Variants in KIF3A observed in about 807,000 individuals in gnomAD.
The protein encoded by KIF3A is kinesin family member 3A.
In KIF3A, 27 loss-of-function variants were observed where a neutral mutation model predicts 92.6. The ratio of observed to expected loss-of-function variants is 0.29; its 90% CI spans 0.21 to 0.40. The LOEUF (loss-of-function observed/expected upper bound fraction) is 0.40, where lower values mean the gene tolerates loss of function less well. KIF3A is among the 10% of genes least tolerant of loss of function. The pLI, the probability that KIF3A is intolerant of heterozygous loss-of-function variation, is 1.00. For synonymous variants in KIF3A, 250 were observed against 275.4 expected (o/e 0.91, Z 0.92); for missense variants, 581 against 872.6 (o/e 0.67, Z 4.21).
In KIF3A at chr5:132,730,801, A is replaced by AAAT. The variant is rs544744475; in HGVS notation, c.280+3401_280+3403dup. Among the ~76,000 whole-genome samples the AAAT allele has an allele frequency of 2.2e-4, 33 of 151,972 alleles. 2 individuals are homozygous for AAAT. In the South Asian group the frequency reaches 6.3e-3, roughly 29 times the overall value. On this transcript the variant is annotated intron_variant, in intron 2 of 18. Coordinates refer to ENST00000403231, the MANE Select transcript of KIF3A (RefSeq NM_001300791.2). ...AGAGTGAGACCCTGTTTCAAGAAAAAAATAATAATAATAGAAAAAATTAGC... is the reference window on the plus strand; with the variant it reads ...AGAGTGAGACCCTGTTTCAAGAAAAAAATAATAATAATAATAGAAAAAATTAGC...
intron 9 of KIF3A, among the ~76,000 whole-genome samples, chr5:132,709,698 C>A (rs1045076738): frequency 6.6e-6 from 1 of 152,112 alleles, no homozygotes; most frequent in African/African-American, 2.4e-5. Flanking sequence ...ATCAGGCAAA[C>A]GTTTTCTGCA....
At chr5:132,702,851 A>G (rs761867342) in intron 13 of KIF3A, 34 bp downstream of exon 13, 5 of 1,598,536 alleles carry the variant, frequency 3.1e-6, no homozygotes, top group Admixed American at 1.7e-5. Context: ...TCTCTCTGGC[A>G]AAATACCAAA....
intron 11 of KIF3A, among the ~76,000 whole-genome samples, 168 bp from the exon 12 acceptor site, chr5:132,703,787 T>C (rs896007362): frequency 6.6e-6 from 1 of 152,032 alleles, no homozygotes; most frequent in African/African-American, 2.4e-5. Context: ...CCATTTATTA[T>C]GCTCCTAGAA....
intron 2 of KIF3A, among the ~76,000 whole-genome samples, chr5:132,729,278 A>G (rs1481436628): frequency 6.6e-6 from 1 of 152,072 alleles, no homozygotes; most frequent in Non-Finnish European, 1.5e-5. Flanking sequence ...AACTTATTGA[A>G]ATTAAAACTA....
intron 4 of KIF3A, among the ~76,000 whole-genome samples, chr5:132,724,304 T>C (rs530075466): frequency 0.011 from 1,609 of 152,188 alleles, 11 homozygotes; most frequent in Non-Finnish European, 0.016. Context: ...TGGGTATATA[T>C]CCAAAGGAAT....
chr5:132,702,465 C>A, intron 14 of KIF3A, 93 bp downstream of exon 14: 1 of 748,080 alleles, frequency 1.3e-6, no homozygotes, highest in Non-Finnish European at 2.2e-6. Flanking sequence ...AAATTATAAG[C>A]TCACATTATG....
chr5:132,724,049 A>C (rs1753917102), intron 4 of KIF3A, among the ~76,000 whole-genome samples: 1 of 152,242 alleles, frequency 6.6e-6, no homozygotes, highest in Admixed American at 6.5e-5. Context: ...ACATGAAAAA[A>C]TGCTCATCAT....
chr5:132,707,701 T>G (rs1753267084), intron 10 of KIF3A, among the ~76,000 whole-genome samples: 1 of 152,242 alleles, frequency 6.6e-6, no homozygotes, highest in Non-Finnish European at 1.5e-5. Context: ...TTGGAATTAT[T>G]CTTCTAGAAA....
intron 1 of KIF3A, among the ~76,000 whole-genome samples, chr5:132,736,608 A>G (rs1754397252): frequency 6.6e-6 from 1 of 152,258 alleles, no homozygotes; most frequent in Admixed American, 6.5e-5. Flanking sequence ...AGCAGTGAAC[A>G]GAACAAATAT....
chr5:132,704,307 A>G (rs1185265468), intron 11 of KIF3A, among the ~76,000 whole-genome samples: 2 of 151,934 alleles, frequency 1.3e-5, no homozygotes, highest in African/African-American at 4.8e-5. Flanking sequence ...ATATATCATC[A>G]TACACTAAAG....
In KIF3A at chr5:132,702,171, G is replaced by A. The variant is rs769516414; in HGVS notation, c.1800C>T (p.Gly600=). Residue 600 remains glycine, a synonymous_variant, in exon 15 of 19, where the codon GGC becomes GGT. Coordinates refer to ENST00000403231, the MANE Select transcript of KIF3A (RefSeq NM_001300791.2). ...TAAGTTGCCGAATGTTCTCCAGTAG[G>A]CCTTCAATTTCCCTCTGATGTTCTT... ...LQQEHQREIE[G]LLENIRQLSR... 17 of 1,613,562 alleles carry A rather than the reference G, an allele frequency of 1.1e-5. 1 individual carries two copies. In the South Asian group the frequency reaches 1.6e-4, roughly 16 times the overall value.
rs1754322074 is a variant in KIF3A, at chr5:132,734,273, C to T, written c.212G>A (p.Ser71Asn). The change falls in exon 2 of 19, where the codon AGT becomes AAT. Residue 71 changes from serine to asparagine, a missense_variant. Ser to Asn is a conservative substitution (Grantham distance 46). This residue lies in a region of KIF3A where 217 missense variants were observed against 299.7 expected (regional missense o/e 0.72). Transcript: ENST00000403231. Reference sequence around the variant, plus strand: ...TAAGTTATAAACATCAAGTTGTTTACTCTCTGGTCCAAAAACAGTATCAAA... The same window carrying T: ...TAAGTTATAAACATCAAGTTGTTTATTCTCTGGTCCAAAAACAGTATCAAA... ...FTFDTVFGPE[S>N]KQLDVYNLTA... 6.2e-7 allele frequency: 1 copy of T among 1,613,774 alleles called. No homozygotes were observed. The highest frequency in any genetic ancestry group is 1.7e-5 in the Admixed American group (1 of 59,998).
rs910444538 is a variant in KIF3A, at chr5:132,716,377, A to G, written c.822T>C (p.Asn274=). 1.9e-6 allele frequency: 3 copies of G among 1,614,050 alleles called. No individual in the cohort carries two copies. Among genetic ancestry groups the G allele is most frequent in the Admixed American group, 3.3e-5 (2 of 60,024 alleles). Residue 274 remains asparagine (N), a synonymous_variant, in exon 7 of 19, where the codon AAT becomes AAC. Transcript: ENST00000403231. ...GQRLKEATKI[N]LSLSTLGNVI... is the part of the protein sequence containing the mutation. ...CATTACCAAGGGTGGAAAGTGAAAG[A>G]TTGATTTTTGTAGCTTCCTTTAGGC...
chr5:132,700,759 A>G, intron 15 of KIF3A, 59 bp from the exon 16 acceptor site: 1 of 1,101,926 alleles, frequency 9.1e-7, no homozygotes, highest in Non-Finnish European at 1.4e-6. Context: ...AAAATATTGA[A>G]GTCATAAAAC....
At chr5:132,733,687 A>T (rs2149923914) in intron 2 of KIF3A, among the ~76,000 whole-genome samples, 1 of 152,330 alleles carries the variant, frequency 6.6e-6, no homozygotes, top group East Asian at 1.9e-4. Flanking sequence ...GGATAGCTTC[A>T]GCCCAGGTTC....
At chr5:132,699,331 G>A (rs1182894298) in intron 17 of KIF3A, 36 bp from the exon 18 acceptor site, 1 of 1,602,690 alleles carries the variant, frequency 6.2e-7, no homozygotes, top group African/African-American at 1.3e-5. Flanking sequence ...CACTCTTAAG[G>A]CAAAGAGTTA....
Position 132,726,120 on chromosome 5 carries a change from A to T in KIF3A, c.510+8T>A, listed in dbSNP as rs1305851291. On this transcript the variant is annotated splice_region_variant and intron_variant, in intron 4 of 18. Coordinates refer to ENST00000403231, the MANE Select transcript of KIF3A (RefSeq NM_001300791.2). Reference sequence around the variant, plus strand: ...AAAAAGTACTCCACCAATTTCAATTATCCTTACCTCTAACCTTTGTGTCTG... The same window carrying T: ...AAAAAGTACTCCACCAATTTCAATTTTCCTTACCTCTAACCTTTGTGTCTG... The T allele has an allele frequency of 6.3e-7, 1 of 1,585,200 alleles. No homozygotes were observed. The highest frequency in any genetic ancestry group is 1.7e-4 in the Middle Eastern group (1 of 5,940).
At chr5:132,708,854 T>C (rs189621857) in intron 10 of KIF3A, 53 bp downstream of exon 10, 13 of 1,223,348 alleles carry the variant, frequency 1.1e-5, no homozygotes, top group Non-Finnish European at 1.5e-5. Context: ...ATGAAGCCCA[T>C]GGGTTATGGA....
chr5:132,698,324 GA>G (rs1020748751), intron 18 of KIF3A, among the ~76,000 whole-genome samples: 62 of 150,554 alleles, frequency 4.1e-4, no homozygotes, highest in African/African-American at 1.4e-3. Flanking sequence ...AAAGGGAAAG[GA>G]AAAAAAAATA....
Sources: allele counts gnomAD v4.1 joint callset (sites outside exome capture counted in the v4.1 genomes callset), GRCh38; gene constraint gnomAD v4.1.1; regional missense constraint gnomAD v4.1.1; transcripts MANE v1.5; gene names NCBI Gene and HGNC (gene_info 2026-07-23, HGNC 2026-07-21).